ERC2: variants seen among roughly 807,000 people sequenced by gnomAD.
The protein encoded by ERC2 is ELKS/RAB6-interacting/CAST family member 2, also known as ERC protein 2.
In ERC2, 42 loss-of-function variants were observed where a neutral mutation model predicts 114.8. The ratio of observed to expected loss-of-function variants is 0.37; its 90% CI spans 0.29 to 0.47. The LOEUF is 0.47. Among genes scored for constraint, ERC2 ranks in the 20% least tolerant of loss-of-function variants. The pLI, the probability that ERC2 is intolerant of heterozygous loss-of-function variation, is 0.99. For synonymous variants in ERC2, 454 were observed against 425.5 expected, an observed-to-expected ratio of 1.07 and a Z score of -0.82; for missense variants, 939 against 1,150.7, an observed-to-expected ratio of 0.82 and a Z score of 2.66.
intron 7 of ERC2, among the ~76,000 whole-genome samples, chr3:56,035,793 T>C (rs566617068): frequency 1.3e-5 from 2 of 152,298 alleles, no homozygotes; most frequent in Admixed American, 6.5e-5. Context: ...CTTTACAAAC[T>C]ACCCATTCTC....
At chr3:56,011,112 G>A (rs548116339) in intron 8 of ERC2, among the ~76,000 whole-genome samples, 77 of 152,368 alleles carry the variant, frequency 5.1e-4, no homozygotes, top group Non-Finnish European at 1.0e-3. Context: ...GGGACTCATT[G>A]TGAGAACTTG....
At chr3:56,084,840 C>A (rs1300110259) in intron 6 of ERC2, among the ~76,000 whole-genome samples, 8 of 148,910 alleles carry the variant, frequency 5.4e-5, no homozygotes, top group Non-Finnish European at 1.0e-4. Flanking sequence ...ACTACCTATA[C>A]CCCTAAAGAT....
At chr3:56,343,188 T>TCA (rs1247948473) in intron 2 of ERC2, among the ~76,000 whole-genome samples, 1 of 31,456 alleles carries the variant, frequency 3.2e-5, no homozygotes, top group South Asian at 1.2e-3. Flanking sequence ...TCTCTCTCTC[T>TCA]CTCTCACACA....
intron 3 of ERC2, among the ~76,000 whole-genome samples, chr3:56,284,100 A>T (rs1056487499): frequency 6.6e-6 from 1 of 152,250 alleles, no homozygotes; most frequent in African/African-American, 2.4e-5. Context: ...GGCTAAGTTC[A>T]AAGATATATG....
intron 6 of ERC2, among the ~76,000 whole-genome samples, chr3:56,106,370 C>A (rs2149816304): frequency 6.6e-6 from 1 of 152,324 alleles, no homozygotes; most frequent in East Asian, 1.9e-4. Flanking sequence ...TTAGAGCTCC[C>A]TTCGTGGAGG....
intron 3 of ERC2, among the ~76,000 whole-genome samples, chr3:56,193,393 A>G (rs1030579422): frequency 2.6e-5 from 4 of 152,068 alleles, no homozygotes; most frequent in African/African-American, 9.7e-5. Context: ...ATGTAATCCC[A>G]GCTATTCAGG....
chr3:56,221,575 C>G (rs2049914047), intron 3 of ERC2, among the ~76,000 whole-genome samples: 1 of 152,130 alleles, frequency 6.6e-6, no homozygotes, highest in Non-Finnish European at 1.5e-5. Context: ...GGTGTACTAC[C>G]TACCTCCATG....
chr3:56,164,184 C>T (rs576591402), intron 4 of ERC2, among the ~76,000 whole-genome samples: 1 of 152,104 alleles, frequency 6.6e-6, no homozygotes, highest in East Asian at 1.9e-4. Context: ...GTTTCTGCAA[C>T]CATCACTGCT....
rs1006589381 is a variant in ERC2, at chr3:55,704,982, A to T, written c.2713-5470T>A. On this transcript the variant is annotated intron_variant, in intron 15 of 17. Transcript: ENST00000288221. ...TACAGATGAGGAAACTAAGCCCATA[A>T]CTATTCAGCTAGTGAGTAGAAGAAC... Among the ~76,000 whole-genome samples, 6 of 152,186 alleles carry T rather than the reference A, an allele frequency of 3.9e-5. No individual in the cohort carries two copies. The East Asian group carries it at 7.7e-4, about 20-fold the overall frequency.
chr3:56,386,939 C>T (rs1229427127), intron 2 of ERC2, among the ~76,000 whole-genome samples: 1 of 152,148 alleles, frequency 6.6e-6, no homozygotes, highest in East Asian at 1.9e-4. Flanking sequence ...GGCCTGAAGC[C>T]TTTTGTTGGC....
intron 14 of ERC2, among the ~76,000 whole-genome samples, chr3:55,814,100 T>C (rs1301882485): frequency 2.6e-5 from 4 of 152,116 alleles, no homozygotes; most frequent in Admixed American, 6.5e-5. Context: ...TACCAGCAAA[T>C]TGAAGATGAA....
chr3:55,979,526 G>C (rs2069895417), intron 12 of ERC2, among the ~76,000 whole-genome samples: 1 of 152,122 alleles, frequency 6.6e-6, no homozygotes, highest in Non-Finnish European at 1.5e-5. Context: ...AACACTGTGA[G>C]AATCACACAC....
intron 14 of ERC2, among the ~76,000 whole-genome samples, chr3:55,840,398 G>T (rs1033834447): frequency 4.0e-5 from 6 of 151,642 alleles, no homozygotes; most frequent in Admixed American, 1.3e-4. Context: ...TAGTCTTTAG[G>T]GAAAGGCAAA....
chr3:55,928,895 C>T (rs1247714015), intron 13 of ERC2, among the ~76,000 whole-genome samples: 2 of 152,152 alleles, frequency 1.3e-5, no homozygotes, highest in African/African-American at 4.8e-5. Flanking sequence ...TTCTTGGCAA[C>T]TTTGTTGAAA....
At chr3:56,023,369 C>T (rs969347873) in intron 7 of ERC2, among the ~76,000 whole-genome samples, 19 of 152,252 alleles carry the variant, frequency 1.2e-4, no homozygotes, top group Middle Eastern at 6.8e-3. Flanking sequence ...TGATCTTCTA[C>T]AATCCCTCAG....
intron 4 of ERC2, among the ~76,000 whole-genome samples, chr3:56,168,782 C>G (rs2082459820): frequency 6.6e-6 from 1 of 152,224 alleles, no homozygotes; most frequent in East Asian, 1.9e-4. Flanking sequence ...TGCAGAACAA[C>G]AGTTATCTGC....
chr3:55,918,718 A>G (rs1454917748), intron 13 of ERC2, among the ~76,000 whole-genome samples: 1 of 151,566 alleles, frequency 6.6e-6, no homozygotes, highest in African/African-American at 2.4e-5. Flanking sequence ...AGCCATATGG[A>G]GATCTGAAGT....
chr3:55,896,859 T>A (rs1004169823), intron 13 of ERC2, among the ~76,000 whole-genome samples: 41 of 152,370 alleles, frequency 2.7e-4, no homozygotes, highest in African/African-American at 9.6e-4. Flanking sequence ...TGAATAATTG[T>A]GTGCTATTTC....
chr3:56,033,083 A>AGAAG, intron 7 of ERC2, among the ~76,000 whole-genome samples: 1 of 149,636 alleles, frequency 6.7e-6, no homozygotes, highest in East Asian at 2.0e-4. Context: ...AAAGAAAGAA[A>AGAAG]GAAAAGTAAA....
Sources: allele counts gnomAD v4.1 joint callset (sites outside exome capture counted in the v4.1 genomes callset), GRCh38; gene constraint gnomAD v4.1.1; transcripts MANE v1.5; gene names NCBI Gene and HGNC (gene_info 2026-07-23, HGNC 2026-07-21).